The following SRGAP2 variants were observed in gnomAD, a reference collection of about 807,000 sequenced individuals.
SRGAP2 encodes SLIT-ROBO Rho GTPase activating protein 2, also known as SLIT-ROBO Rho GTPase-activating protein 2.
In SRGAP2, 15 loss-of-function variants were observed where a neutral mutation model predicts 57.2. That is an observed-to-expected ratio of 0.26 (90% CI 0.18 to 0.40). The LOEUF is 0.40. Ranked by LOEUF, SRGAP2 falls within the 10% of genes least tolerant of loss-of-function variation. The pLI is 1.00. For synonymous variants in SRGAP2, 249 were observed against 248.0 expected, an observed-to-expected ratio of 1.00 and a Z score of -0.04; for missense variants, 520 against 669.6, an observed-to-expected ratio of 0.78 and a Z score of 2.47.
intron 19 of SRGAP2, among the ~76,000 whole-genome samples, chr1:206,452,385 G>A (rs1334293124): frequency 2.0e-5 from 3 of 152,012 alleles, no homozygotes; most frequent in Non-Finnish European, 4.4e-5. Context: ...GAGACAGAAA[G>A]CTCACATTCT....
intron 20 of SRGAP2, chr1:206,453,907 G>A (rs1478964024): frequency 1.9e-6 from 1 of 534,480 alleles, no homozygotes; most frequent in Non-Finnish European, 3.3e-6. Context: ...GGTTGATATA[G>A]GGTAAGATGG....
At chr1:206,333,335 GC>G in intron 3 of SRGAP2, 2 of 1,204,594 alleles carry the variant, frequency 1.7e-6, no homozygotes, top group South Asian at 2.5e-5. Context: ...TTTATTTTGA[GC>G]CAGGGCTTGA....
At chr1:206,445,528 C>T (rs955081855) in intron 17 of SRGAP2, among the ~76,000 whole-genome samples, 1 of 152,196 alleles carries the variant, frequency 6.6e-6, no homozygotes, top group African/African-American at 2.4e-5. Context: ...TGATGGAATA[C>T]GAAAGCTAAT....
intron 2 of SRGAP2, among the ~76,000 whole-genome samples, chr1:206,295,619 T>G (rs1170776793): frequency 6.6e-6 from 1 of 150,982 alleles, no homozygotes; most frequent in Non-Finnish European, 1.5e-5. Flanking sequence ...ACACTTTCAT[T>G]GTAGTATTTA....
intron 13 of SRGAP2, among the ~76,000 whole-genome samples, chr1:206,424,721 GGTCTT>G (rs1553365686): frequency 6.6e-6 from 1 of 152,228 alleles, no homozygotes; most frequent in Non-Finnish European, 1.5e-5. Context: ...GTGAAGTGCA[GGTCTT>G]CGTGGCACCA....
At position 206,413,874 on chromosome 1, in the gene SRGAP2, G is replaced by C. The variant is rs527304123; in HGVS notation, c.1357-2015G>C. The stretch of plus-strand genomic sequence containing the variant: ...ACACAGGACCATCTGGGTGAACATG[G>C]GAGGGCTAGGGACTGCATCCCAGAG... On this transcript the variant is annotated intron_variant, in intron 10 of 22. Transcript: ENST00000573034. Among the ~76,000 whole-genome samples, 46 of 152,206 alleles carry C rather than the reference G, an allele frequency of 3.0e-4. 1 individual carries two copies. Among genetic ancestry groups the C allele is most frequent in the African/African-American group, 1.1e-3 (45 of 41,534 alleles).
intron 20 of SRGAP2, chr1:206,453,933 G>C (rs782193752): frequency 9.2e-6 from 5 of 544,966 alleles, no homozygotes; most frequent in Non-Finnish European, 1.6e-5. Flanking sequence ...GGAGGGAAAA[G>C]GATGTCAAGG....
intron 3 of SRGAP2, among the ~76,000 whole-genome samples, chr1:206,325,358 T>G (rs1416694710): frequency 3.9e-5 from 6 of 152,136 alleles, no homozygotes; most frequent in Non-Finnish European, 7.3e-5. Context: ...TCTTTTTTTT[T>G]GTTGAGATGG....
chr1:206,419,304 A>C (rs1206897616), intron 11 of SRGAP2, 69 bp from the exon 12 acceptor site: 1 of 776,024 alleles, frequency 1.3e-6, no homozygotes, highest in African/African-American at 1.7e-5. Context: ...GGTAGTTACT[A>C]GGAGTGGGTC....
chr1:206,305,498 G>C (rs1486105214), intron 3 of SRGAP2, among the ~76,000 whole-genome samples: 1 of 152,264 alleles, frequency 6.6e-6, no homozygotes, highest in Non-Finnish European at 1.5e-5. Flanking sequence ...AAGGAAGAAA[G>C]TTCTCCATCT....
chr1:206,386,069 C>T (rs1444107900), intron 5 of SRGAP2, among the ~76,000 whole-genome samples: 11 of 152,082 alleles, frequency 7.2e-5, no homozygotes, highest in Non-Finnish European at 1.2e-4. Context: ...AGTTTTACCC[C>T]GAGAGGACAT....
rs1447413699 is a variant in SRGAP2 at position 206,359,795 on chromosome 1, G to GCC, written c.423+16788_423+16789insCC. On this transcript the variant is annotated intron_variant, in intron 4 of 22. Transcript: ENST00000573034. ...AAGAGGATGGGGTACAAGGGATATTGCTCTTTTTTTTTTTTTTTTTTTTTT... is the reference window on the plus strand; with the variant it reads ...AAGAGGATGGGGTACAAGGGATATTGCCCTCTTTTTTTTTTTTTTTTTTTTTT... 5.2e-4 allele frequency among the ~76,000 whole-genome samples: 63 copies of GCC among 121,322 alleles called. 3 individuals carry two copies. Among genetic ancestry groups the GCC allele is most frequent in the African/African-American group, 2.1e-3 (60 of 28,054 alleles). The allele number at this position is 121,322 out of a possible 152,430, so 79.6% of individuals were successfully genotyped here.
At chr1:206,417,780 A>C (rs542281819) in intron 11 of SRGAP2, among the ~76,000 whole-genome samples, 1 of 151,956 alleles carries the variant, frequency 6.6e-6, no homozygotes, top group Non-Finnish European at 1.5e-5. Flanking sequence ...GATAATTTCT[A>C]TTCTTCTTCC....
rs1465845669 is a variant in SRGAP2, at chr1:206,302,390, CAG to C, written c.68-884_68-883del. On this transcript the variant is annotated intron_variant, in intron 2 of 22. Coordinates refer to ENST00000573034, the MANE Select transcript of SRGAP2 (RefSeq NM_015326.5). ...TCTATAGCTGCCTTTGCAGCAGTTC[CAG>C]AGAGAGTGTTTGCTAGCTCCATACA... Among the ~76,000 whole-genome samples the C allele has an allele frequency of 1.7e-4, 26 of 151,980 alleles. 1 individual carries two copies. The highest frequency in any genetic ancestry group is 3.5e-4 in the Non-Finnish European group (24 of 68,014).
intron 4 of SRGAP2, among the ~76,000 whole-genome samples, chr1:206,369,495 T>A (rs1473451289): frequency 6.6e-6 from 1 of 152,118 alleles, no homozygotes; most frequent in Non-Finnish European, 1.5e-5. Flanking sequence ...TATTTTCAAA[T>A]CATATATCTC....
In SRGAP2 at chr1:206,461,233, G is replaced by T. The variant is rs782121714; in HGVS notation, c.3029G>T (p.Arg1010Leu). ...AAGGACCCCGAGCCCGCCTTCCAGCGCAGCGCCAGTACTGCTGGGGACATC... is the reference window on the plus strand; with the variant it reads ...AAGGACCCCGAGCCCGCCTTCCAGCTCAGCGCCAGTACTGCTGGGGACATC... ...LLKDPEPAFQRSASTAGDIAC... is the reference protein window; with the variant it reads ...LLKDPEPAFQLSASTAGDIAC... Residue 1010 changes from arginine to leucine, a missense_variant, in exon 23 of 23, where the codon CGC becomes CTC. Around this residue, in one of 5 missense-constraint regions of SRGAP2, gnomAD observed 478 missense variants for 373.6 expected, o/e 1.28. Coordinates refer to ENST00000573034, the MANE Select transcript of SRGAP2 (RefSeq NM_015326.5). 4 of 780,728 alleles carry T rather than the reference G, an allele frequency of 5.1e-6. No individual in the cohort carries two copies. Among genetic ancestry groups the T allele is most frequent in the South Asian group, 2.7e-5 (2 of 74,598 alleles). 48.4% of individuals were successfully genotyped at this position (780,728 alleles called of 1,614,324 possible). A position where few individuals can be genotyped will look rare whatever the true frequency, so the allele number is the denominator to read the frequency against.
intron 2 of SRGAP2, among the ~76,000 whole-genome samples, chr1:206,237,102 A>T (rs1262841016): frequency 6.6e-6 from 1 of 151,754 alleles, no homozygotes; most frequent in Non-Finnish European, 1.5e-5. Flanking sequence ...AAAAAAAAAA[A>T]AAATACAAAA....
intron 4 of SRGAP2, among the ~76,000 whole-genome samples, chr1:206,374,018 T>C (rs1654972037): frequency 9.1e-6 from 1 of 109,696 alleles, no homozygotes; most frequent in South Asian, 3.2e-4. Context: ...AGATACACAT[T>C]CTTTTTTTTT....
chr1:206,369,795 C>T (rs1654357282), intron 4 of SRGAP2, among the ~76,000 whole-genome samples: 1 of 152,204 alleles, frequency 6.6e-6, no homozygotes, highest in Admixed American at 6.5e-5. Flanking sequence ...AACCCTCATA[C>T]ATTGCTGGTA....
Sources: allele counts gnomAD v4.1 joint callset (sites outside exome capture counted in the v4.1 genomes callset), GRCh38; gene constraint gnomAD v4.1.1; regional missense constraint gnomAD v4.1.1; transcripts MANE v1.5; gene names NCBI Gene and HGNC (gene_info 2026-07-23, HGNC 2026-07-21).